Variants in NAB2 observed in about 807,000 individuals in gnomAD.
NAB2 encodes the protein NGFI-A binding protein 2, also known as NGFI-A-binding protein 2.
A neutral mutation model predicts 44.2 loss-of-function variants in NAB2; 9 were observed. The observed-to-expected ratio is 0.20, with a 90% CI of 0.12 to 0.36. The LOEUF (loss-of-function observed/expected upper bound fraction) is 0.36. NAB2 is among the 10% of genes least tolerant of loss of function. The probability of loss-of-function intolerance (pLI) is 1.00; values close to 1 mark genes in which losing one functional copy is unlikely to be tolerated. For missense variants in NAB2, 514 were observed against 709.0 expected, an observed-to-expected ratio of 0.73 and a Z score of 3.12; for synonymous variants, 342 against 291.0, an observed-to-expected ratio of 1.18 and a Z score of -1.78.
chr12:57,092,458 A>G lies in NAB2; in HGVS notation c.968A>G (p.Asn323Ser). Reference sequence around the variant, plus strand: ...GCCCTCCCTCCACAGCTCACCATCAACGAGGCTGCTGCCCAGTTCTGCATG... The same window carrying G: ...GCCCTCCCTCCACAGCTCACCATCAGCGAGGCTGCTGCCCAGTTCTGCATG... ...KQLSLHELTI[N>S]EAAAQFCMRD... The change falls in exon 3 of 7, where the codon AAC becomes AGC. Residue 323 changes from asparagine (N) to serine (S), a missense_variant. Coordinates refer to ENST00000300131, the MANE Select transcript of NAB2 (RefSeq NM_005967.4). The G allele has an allele frequency of 6.2e-7, 1 of 1,614,086 alleles. No individual in the cohort carries two copies. The highest frequency in any genetic ancestry group is 8.5e-7 in the Non-Finnish European group (1 of 1,179,966).
At chr12:57,090,025 G>A (rs1193875829) in intron 1 of NAB2, among the ~76,000 whole-genome samples, 1 of 152,228 alleles carries the variant, frequency 6.6e-6, no homozygotes, top group East Asian at 1.9e-4. Context: ...CGGCCCCGGA[G>A]CAGAACAATT....
rs1008599987 is a variant in NAB2, at chr12:57,093,552, C to T, written c.1422C>T (p.Arg474=). Reference sequence around the variant, plus strand: ...TCGCCCGCCTCGTCTCCCACGACCGCGTGGGCCGCCTCAGCCCCTGTGTGC... The same window carrying T: ...TCGCCCGCCTCGTCTCCCACGACCGTGTGGGCCGCCTCAGCCCCTGTGTGC... ...LRLARLVSHD[R]VGRLSPCVPA... The change falls in exon 6 of 7, where the codon CGC becomes CGT. Residue 474 remains arginine, a synonymous_variant. Transcript: ENST00000300131. The T allele has an allele frequency of 5.8e-6, 9 of 1,546,038 alleles. No homozygotes were observed. Among genetic ancestry groups the T allele is most frequent in the African/African-American group, 5.5e-5 (4 of 73,190 alleles).
intron 3 of NAB2, 147 bp from the exon 4 acceptor site, chr12:57,092,770 A>T (rs1180729874): frequency 7.6e-7 from 1 of 1,317,036 alleles, no homozygotes; most frequent in Non-Finnish European, 1.1e-6. Context: ...AACCCCCTAC[A>T]ACAATAGTGC....
At chr12:57,093,037 C>T (rs994561386) in intron 4 of NAB2, 26 bp from the exon 5 acceptor site, 4 of 1,613,900 alleles carry the variant, frequency 2.5e-6, no homozygotes, top group Admixed American at 3.3e-5. Context: ...GGCAGGTCTT[C>T]ATTTCCCCAT....
In NAB2 at chr12:57,091,619, C is replaced by T. The variant is rs752550446; in HGVS notation, c.578C>T (p.Ser193Leu). The change falls in exon 2 of 7, where the codon TCG becomes TTG. Residue 193 changes from serine (S) to leucine (L), a missense_variant. Around this residue, in one of 5 missense-constraint regions of NAB2, gnomAD observed 177 missense variants for 200.5 expected, o/e 0.88. Coordinates refer to ENST00000300131, the MANE Select transcript of NAB2 (RefSeq NM_005967.4). This position sits in a 1 kb window ranked among gnomAD's most constrained non-coding sequence, Gnocchi z 7.3. ...TGGCCAGGCCGGAGCACTCCAGAGT[C>T]GGACGTTGGGGCAGGAGGAGAAGAG... Reference protein sequence around the residue: ...RIWPGRSTPESDVGAGGEEEA... With the variant: ...RIWPGRSTPELDVGAGGEEEA... The T allele has an allele frequency of 6.9e-6, 11 of 1,604,192 alleles. No individual in the cohort carries two copies. The highest frequency in any genetic ancestry group is 2.2e-5 in the East Asian group (1 of 44,760).
intron 2 of NAB2, 65 bp downstream of exon 2, chr12:57,092,063 G>C (rs1291516238): frequency 1.3e-6 from 2 of 1,540,144 alleles, no homozygotes; most frequent in Non-Finnish European, 1.7e-6. Flanking sequence ...TTACCTCTGC[G>C]AGTTTCTACA....
intron 2 of NAB2, 151 bp from the exon 3 acceptor site, chr12:57,092,297 C>G: frequency 8.1e-7 from 1 of 1,228,162 alleles, no homozygotes; most frequent in Non-Finnish European, 1.1e-6. Context: ...CTCTGTCTTC[C>G]CACCTCAGAA....
chr12:57,092,323 T>A, intron 2 of NAB2, 125 bp from the exon 3 acceptor site: 1 of 1,405,688 alleles, frequency 7.1e-7, no homozygotes, highest in Non-Finnish European at 9.7e-7. Context: ...CCATGTAGTG[T>A]CAAAACCAAA....
At position 57,089,214 on chromosome 12, in the gene NAB2, C is replaced by T. The variant is rs577215194; in HGVS notation, c.-58C>T. The T allele has an allele frequency of 3.9e-6, 6 of 1,519,030 alleles. No homozygotes were observed. In the Admixed American group the frequency reaches 7.9e-5, roughly 20 times the overall value. 94.1% of individuals were successfully genotyped at this position (1,519,030 alleles called of 1,614,324 possible). A position where few individuals can be genotyped will look rare whatever the true frequency, so the allele number is the denominator to read the frequency against. Reference sequence around the variant, plus strand: ...CGTGCGCGGGGAAGAGGGCAGCACGCAGCAGGCGCCGAGCGCCGGGCACCG... The same window carrying T: ...CGTGCGCGGGGAAGAGGGCAGCACGTAGCAGGCGCCGAGCGCCGGGCACCG... On this transcript the variant is annotated 5_prime_UTR_variant, in exon 1 of 7. Coordinates refer to ENST00000300131, the MANE Select transcript of NAB2 (RefSeq NM_005967.4).
chr12:57,089,444 C>T, intron 1 of NAB2, 90 bp downstream of exon 1: 3 of 162,540 alleles, frequency 1.8e-5, no homozygotes, highest in Non-Finnish European at 3.2e-5. Flanking sequence ...GAGGGGAGGA[C>T]GTGGGGAAGC....
At chr12:57,092,260 C>T in intron 2 of NAB2, 188 bp from the exon 3 acceptor site, 4 of 1,029,028 alleles carry the variant, frequency 3.9e-6, no homozygotes, top group Non-Finnish European at 5.6e-6. Context: ...AGGCCCCGGG[C>T]ATTCCTAGGA....
In NAB2 at chr12:57,094,774, A is replaced by AC; in HGVS notation, c.*58dup. The stretch of plus-strand genomic sequence containing the variant: ...GACCTCAGACTTCTGGCTCACACAG[A>AC]CCCCCACGCTCTCCATCCCCGGAAT... On this transcript the variant is annotated 3_prime_UTR_variant, in exon 7 of 7. Coordinates refer to ENST00000300131, the MANE Select transcript of NAB2 (RefSeq NM_005967.4). 7.1e-7 allele frequency: 1 copy of AC among 1,412,324 alleles called. No homozygotes were observed. Among genetic ancestry groups the AC allele is most frequent in the Non-Finnish European group, 9.7e-7 (1 of 1,036,150 alleles). The allele number at this position is 1,412,324 out of a possible 1,614,324, so 87.5% of individuals were successfully genotyped here.
In NAB2 at chr12:57,094,702, C is replaced by A; in HGVS notation, c.1559C>A (p.Ala520Asp). Reference protein sequence around the residue: ...EGRRSSVKVEAEASRQ With the variant: ...EGRRSSVKVEDEASRQ ...CGCAGGAGCAGCGTGAAAGTGGAGG[C>A]TGAGGCCAGCCGGCAGTGAGGGTTG... The change falls in exon 7 of 7, where the codon GCT becomes GAT. Residue 520 changes from alanine (A) to aspartate (D), a missense_variant. By Grantham distance (126) the Ala-to-Asp change is moderately radical. This residue lies in a region of NAB2 where 194 missense variants were observed against 223.9 expected (regional missense o/e 0.87). Transcript: ENST00000300131. 6.4e-7 allele frequency: 1 copy of A among 1,553,120 alleles called. No individual in the cohort carries two copies.
chr12:57,091,404 C>A lies in NAB2; in HGVS notation c.363C>A (p.Pro121=). 4 of 1,614,218 alleles carry A rather than the reference C, an allele frequency of 2.5e-6. No homozygotes were observed. The highest frequency in any genetic ancestry group is 3.4e-6 in the Non-Finnish European group (4 of 1,180,036). ...TCAGTCAACCAGTGCCTGCTGTTCC[C>A]GTCTCCAGCATCCCGCTCTTCAAGA... ...GLFSQPVPAV[P]VSSIPLFKIS... is the part of the protein sequence containing the mutation. The change falls in exon 2 of 7, where the codon CCC becomes CCA. Residue 121 remains proline (P), a synonymous_variant. Transcript: ENST00000300131. This position sits in a 1 kb window ranked among gnomAD's most constrained non-coding sequence, Gnocchi z 7.3.
chr12:57,093,595 G>A lies in NAB2; in HGVS notation c.1465G>A (p.Ala489Thr), dbSNP rs865949140. 24 of 1,504,922 alleles carry A rather than the reference G, an allele frequency of 1.6e-5. No individual in the cohort carries two copies. In the Middle Eastern group the frequency reaches 1.0e-3, roughly 64 times the overall value. The allele number at this position is 1,504,922 out of a possible 1,614,324, so 93.2% of individuals were successfully genotyped here. A position where few individuals can be genotyped will look rare whatever the true frequency, so the allele number is the denominator to read the frequency against. The change falls in exon 6 of 7, where the codon GCA becomes ACA. Residue 489 changes from alanine (A) to threonine (T), a missense_variant. By Grantham distance (58) the Ala-to-Thr change is moderately conservative. Transcript: ENST00000300131. ...CTGTGTGCCTGCGAAGCCACCTCTCGCAGGTGAGGCAGCCAGCAGTGCTGT... is the reference window on the plus strand; with the variant it reads ...CTGTGTGCCTGCGAAGCCACCTCTCACAGGTGAGGCAGCCAGCAGTGCTGT... Reference protein sequence around the residue: ...SPCVPAKPPLAEFEEGLLDRC... With the variant: ...SPCVPAKPPLTEFEEGLLDRC...
Position 57,089,259 on chromosome 12 carries a change from T to G in NAB2, c.-13T>G, listed in dbSNP as rs1219639302. 1 of 1,564,438 alleles carries G rather than the reference T, an allele frequency of 6.4e-7. No individual in the cohort carries two copies. The highest frequency in any genetic ancestry group is 1.9e-5 in the Admixed American group (1 of 52,674). On this transcript the variant is annotated 5_prime_UTR_variant, in exon 1 of 7. Transcript: ENST00000300131. ...GCACCGAGAAGGGCAGCCCGGGTGATCTCCGGCCGTCCATGCACAGAGCGC... is the reference window on the plus strand; with the variant it reads ...GCACCGAGAAGGGCAGCCCGGGTGAGCTCCGGCCGTCCATGCACAGAGCGC...
In NAB2 at chr12:57,091,569, A is replaced by G. The variant is rs746129450; in HGVS notation, c.528A>G (p.Gly176=). The G allele has an allele frequency of 1.2e-6, 2 of 1,607,562 alleles. No homozygotes were observed. Among genetic ancestry groups the G allele is most frequent in the East Asian group, 4.5e-5 (2 of 44,714 alleles). Residue 176 remains glycine (G), a synonymous_variant, in exon 2 of 7, where the codon GGA becomes GGG. Transcript: ENST00000300131. The surrounding 1 kb of genome is among the most constrained non-coding windows in gnomAD (Gnocchi z 7.3). ...LGEKLSPLPG[G]PGAGDPRIWP... Reference sequence around the variant, plus strand: ...AGAAGCTATCACCACTGCCTGGGGGACCTGGGGCAGGGGACCCCCGGATCT... The same window carrying G: ...AGAAGCTATCACCACTGCCTGGGGGGCCTGGGGCAGGGGACCCCCGGATCT...
In NAB2 at chr12:57,089,168, G is replaced by C. The variant is rs2136540107; in HGVS notation, c.-104G>C. 1 of 1,207,902 alleles carries C rather than the reference G, an allele frequency of 8.3e-7. No homozygotes were observed. Among genetic ancestry groups the C allele is most frequent in the Non-Finnish European group, 1.2e-6 (1 of 849,542 alleles). The allele number at this position is 1,207,902 out of a possible 1,614,324, so 74.8% of individuals were successfully genotyped here. On this transcript the variant is annotated 5_prime_UTR_variant, in exon 1 of 7. Coordinates refer to ENST00000300131, the MANE Select transcript of NAB2 (RefSeq NM_005967.4). The stretch of plus-strand genomic sequence containing the variant: ...AGACGTGGAGGGAGGGACAGAGCCT[G>C]GACAGCGGTGGACACGGCATCGTGC...
chr12:57,093,710 G>A, intron 6 of NAB2, 112 bp downstream of exon 6: 1 of 1,188,642 alleles, frequency 8.4e-7, no homozygotes, highest in Non-Finnish European at 1.1e-6. Context: ...CGTCAGAGAG[G>A]GCAGTAGGAT....
Sources: allele counts gnomAD v4.1 joint callset (sites outside exome capture counted in the v4.1 genomes callset), GRCh38; gene constraint gnomAD v4.1.1; regional missense constraint gnomAD v4.1.1; non-coding constraint Gnocchi (gnomAD v3.1); transcripts MANE v1.5; gene names NCBI Gene and HGNC (gene_info 2026-07-23, HGNC 2026-07-21).